The following ERCC6 variants were observed in gnomAD, a reference collection of about 807,000 sequenced individuals.
ERCC6 encodes DNA excision repair protein ERCC-6.
ERCC6 carries 116 observed loss-of-function variants against 158.7 expected under a neutral mutation model. The ratio of observed to expected loss-of-function variants is 0.73; its 90% confidence interval spans 0.63 to 0.85. The LOEUF is 0.85. Among genes scored for constraint, ERCC6 ranks in the 40% least tolerant of loss-of-function variants. ERCC6 has a pLI of 0.00. For synonymous variants in ERCC6, 678 were observed against 659.3 expected, an observed-to-expected ratio of 1.03 and a Z score of -0.43; for missense variants, 1,698 against 1,799.4, an observed-to-expected ratio of 0.94 and a Z score of 1.02.
At chr10:49,440,027 C>T in the ERCC6 span, among the ~76,000 whole-genome samples, 2 of 152,178 alleles carry the variant, frequency 1.3e-5, no homozygotes, top group Admixed American at 1.3e-4. Context: ...CCCACATTTT[C>T]CTGTCCTCTT....
intron 1 of ERCC6, among the ~76,000 whole-genome samples, chr10:49,537,423 T>G (rs79859389): frequency 5.0e-4 from 75 of 151,074 alleles, no homozygotes; most frequent in African/African-American, 1.7e-3. Flanking sequence ...GGCAATGTAC[T>G]AGGTTAACTA....
At chr10:49,514,682 G>C (rs1466620376) in intron 5 of ERCC6, among the ~76,000 whole-genome samples, 1 of 152,116 alleles carries the variant, frequency 6.6e-6, no homozygotes, top group Non-Finnish European at 1.5e-5. Flanking sequence ...TCTACCTATT[G>C]CAATATCCAT....
At chr10:49,444,715 T>C in the ERCC6 span, among the ~76,000 whole-genome samples, 1 of 152,208 alleles carries the variant, frequency 6.6e-6, no homozygotes, top group African/African-American at 2.4e-5. Flanking sequence ...GTCTATGAAA[T>C]GTGCATGTAA....
downstream of ERCC6, among the ~76,000 whole-genome samples, chr10:49,453,236 C>T (rs1850440686): frequency 6.6e-6 from 1 of 152,076 alleles, no homozygotes; most frequent in African/African-American, 2.4e-5. Flanking sequence ...TTACCATATA[C>T]ATCTTATCAG....
downstream of ERCC6, among the ~76,000 whole-genome samples, chr10:49,450,219 G>GT (rs1850405444): frequency 6.6e-6 from 1 of 152,144 alleles, no homozygotes; most frequent in Non-Finnish European, 1.5e-5. Flanking sequence ...TCTTTTGCAC[G>GT]TGACTATCCA....
At chr10:49,534,155 CAAAAAAAAA>C (rs1282502477) in intron 1 of ERCC6, among the ~76,000 whole-genome samples, 1 of 100,446 alleles carries the variant, frequency 1.0e-5, no homozygotes, top group African/African-American at 3.8e-5. Context: ...AAAAAAAAAA[CAAAAAAAAA>C]ACTCCATTTT....
chr10:49,500,835 C>G (rs979810680), intron 6 of ERCC6, 139 bp from the exon 7 acceptor site: 1 of 853,542 alleles, frequency 1.2e-6, no homozygotes, highest in African/African-American at 1.7e-5. Context: ...GTGTGTTTTA[C>G]ATGAGTATTA....
intron 5 of ERCC6, chr10:49,515,214 AATTT>A: frequency 7.6e-7 from 1 of 1,324,158 alleles, no homozygotes. Context: ...GAGAAAAAAA[AATTT>A]ATTATGTTCC....
rs12221460 is a variant in ERCC6 at position 49,461,748 on chromosome 10, A to C, written c.3779-192T>G. 0.1 allele frequency among the ~76,000 whole-genome samples: 15,683 copies of C among 152,196 alleles called. 1,173 individuals are homozygous for C. Among genetic ancestry groups the C allele is most frequent in the East Asian group, 0.38 (1,981 of 5,160 alleles). On this transcript the variant is annotated intron_variant, in intron 18 of 20. Transcript: ENST00000355832. ...TAAAAAATATAAAATTCACACACAG[A>C]AACCTATAACCTTCCTATTTACAAA... is the stretch of plus-strand genomic sequence containing the variant.
At chr10:49,451,670 C>T (rs947767286), downstream of ERCC6, among the ~76,000 whole-genome samples, 3 of 152,098 alleles carry the variant, frequency 2.0e-5, no homozygotes, top group African/African-American at 7.2e-5. Context: ...TGGTTTGCAG[C>T]ATTTAGTTGA....
the ERCC6 span, among the ~76,000 whole-genome samples, chr10:49,443,150 T>C: frequency 6.6e-6 from 1 of 152,234 alleles, no homozygotes. Context: ...GGAAACTGAA[T>C]TCTAACTTCT....
chr10:49,459,314 G>A lies in ERCC6; in HGVS notation c.4063-80C>T, dbSNP rs1850536230. On this transcript the variant is annotated intron_variant, in intron 20 of 20. Coordinates refer to ENST00000355832, the MANE Select transcript of ERCC6 (RefSeq NM_000124.4). ...CTTCCTTCCCCAAAGGCTGTGAAGG[G>A]TCACAAGACAACACATGTGCCAGGG... 2.7e-6 allele frequency: 4 copies of A among 1,488,550 alleles called. No homozygotes were observed. The African/African-American group carries it at 5.5e-5, about 21-fold the overall frequency. The allele number at this position is 1,488,550 out of a possible 1,614,324, so 92.2% of individuals were successfully genotyped here.
chr10:49,438,115 C>A, the ERCC6 span, among the ~76,000 whole-genome samples: 3 of 151,946 alleles, frequency 2.0e-5, no homozygotes, highest in Non-Finnish European at 4.4e-5. Context: ...GCAGATCCAA[C>A]CACACTGCAG....
At position 49,538,744 on chromosome 10, in the gene ERCC6, A is replaced by C. The variant is rs1038268189; in HGVS notation, c.-15+218T>G. 3.6e-4 allele frequency among the ~76,000 whole-genome samples: 55 copies of C among 152,336 alleles called. 1 individual carries two copies. The highest frequency in any genetic ancestry group is 7.2e-4 in the Non-Finnish European group (49 of 68,030). ...TGGGTCGCTGGCCGGCCAGGGACTC[A>C]AGCCGCCTCAGGTGAGCGCTCCTTG... On this transcript the variant is annotated intron_variant, in intron 1 of 20. Coordinates refer to ENST00000355832, the MANE Select transcript of ERCC6 (RefSeq NM_000124.4).
intron 16 of ERCC6, among the ~76,000 whole-genome samples, 180 bp from the exon 17 acceptor site, chr10:49,471,300 C>T (rs553099392): frequency 1.3e-5 from 2 of 152,234 alleles, no homozygotes; most frequent in Admixed American, 6.5e-5. Context: ...CAGTTAATCT[C>T]CCAGGTCTTG....
intron 5 of ERCC6, chr10:49,515,603 T>C: frequency 6.2e-7 from 1 of 1,614,120 alleles, no homozygotes; most frequent in East Asian, 2.2e-5. Flanking sequence ...TCTCATCATA[T>C]GTTTTATGCA....
Position 49,454,728 on chromosome 10 carries a change from T to C in ERCC6, c.*4087A>G, listed in dbSNP as rs1357617522. On this transcript the variant is annotated 3_prime_UTR_variant, in exon 21 of 21. Transcript: ENST00000355832. ...TACTACACCAAGAAAAGCTATACAA[T>C]TATATCAATATATACCAGAAAAGAC... is the stretch of plus-strand genomic sequence containing the variant. Among the ~76,000 whole-genome samples, 1 of 152,036 alleles carries C rather than the reference T, an allele frequency of 6.6e-6. No homozygotes were observed. Among genetic ancestry groups the C allele is most frequent in the African/African-American group, 2.4e-5 (1 of 41,316 alleles).
rs891019568 is a variant in ERCC6 at position 49,456,842 on chromosome 10, C to T, written c.*1973G>A. ...TCCAAGTCCCTCCAGCCAGGAGGCA[C>T]GGTAACAATGTGTCAGATCTCCACA... On this transcript the variant is annotated 3_prime_UTR_variant, in exon 21 of 21. Coordinates refer to ENST00000355832, the MANE Select transcript of ERCC6 (RefSeq NM_000124.4). 1 of 151,000 alleles carries T rather than the reference C, an allele frequency of 6.6e-6. No individual in the cohort carries two copies. Among genetic ancestry groups the T allele is most frequent in the African/African-American group, 2.4e-5 (1 of 41,324 alleles). 9.4% of individuals were successfully genotyped at this position (151,000 alleles called of 1,614,324 possible).
intron 18 of ERCC6, among the ~76,000 whole-genome samples, chr10:49,466,656 C>A (rs1000403068): frequency 6.6e-6 from 1 of 152,210 alleles, no homozygotes; most frequent in Admixed American, 6.5e-5. Context: ...GACAACCAAT[C>A]CAATTTCTGT....
Sources: allele counts gnomAD v4.1 joint callset (sites outside exome capture counted in the v4.1 genomes callset), GRCh38; gene constraint gnomAD v4.1.1; transcripts MANE v1.5; gene names NCBI Gene and HGNC (gene_info 2026-07-23, HGNC 2026-07-21).